DIPK1B: variants seen among roughly 807,000 people sequenced by gnomAD.
DIPK1B encodes the protein family with sequence similarity 69 member B.
Under a neutral mutation model 20.7 loss-of-function variants are expected in DIPK1B, and 17 were observed. The observed-to-expected ratio is 0.82, with a 90% confidence interval of 0.56 to 1.23. DIPK1B has a LOEUF of 1.23. DIPK1B is among the 50% of genes most tolerant of loss of function. DIPK1B has a pLI of 0.00. For synonymous variants in DIPK1B, 343 were observed against 276.5 expected, an observed-to-expected ratio of 1.24 and a Z score of -2.39; for missense variants, 648 against 601.8, an observed-to-expected ratio of 1.08 and a Z score of -0.80.
chr9:136,722,058 G>A, intron 3 of DIPK1B, 30 bp downstream of exon 3: 1 of 1,613,366 alleles, frequency 6.2e-7, no homozygotes, highest in South Asian at 1.1e-5. Flanking sequence ...GGGTGGGCCT[G>A]GGGCTGATAC....
intron 4 of DIPK1B, 167 bp downstream of exon 4, chr9:136,722,468 G>A: frequency 1.2e-6 from 1 of 860,688 alleles, no homozygotes. Context: ...TGCCAGGGAA[G>A]GAGCCTCTCC....
rs879348098 is a variant in DIPK1B, at chr9:136,720,476, C to A, written c.199-1445C>A. Among the ~76,000 whole-genome samples, 36 of 152,250 alleles carry A rather than the reference C, an allele frequency of 2.4e-4. No homozygotes were observed. In the South Asian group the frequency reaches 6.2e-3, roughly 26 times the overall value. ...GCTGTACATCCAGGAATTCTCCCCC[C>A]CCCAGAGGGGCGGGCCAGCTCCATC... On this transcript the variant is annotated intron_variant, in intron 2 of 4. Coordinates refer to ENST00000371692, the MANE Select transcript of DIPK1B (RefSeq NM_152421.4).
intron 4 of DIPK1B, 69 bp from the exon 5 acceptor site, chr9:136,722,893 T>G: frequency 6.8e-7 from 1 of 1,460,532 alleles, no homozygotes. Flanking sequence ...GAGGACCAGG[T>G]AAAGGCCAGG....
At chr9:136,714,165 C>T (rs1220974460) in intron 1 of DIPK1B, among the ~76,000 whole-genome samples, 1 of 152,192 alleles carries the variant, frequency 6.6e-6, no homozygotes, top group Non-Finnish European at 1.5e-5. Flanking sequence ...GGGATGGCAG[C>T]TGGGGAAGAT....
intron 1 of DIPK1B, among the ~76,000 whole-genome samples, chr9:136,715,997 C>T (rs771202319): frequency 2.6e-5 from 4 of 152,156 alleles, no homozygotes; most frequent in African/African-American, 9.7e-5. Context: ...CTCTACTCTC[C>T]TTCCTGTCTC....
chr9:136,723,753 C>T lies in DIPK1B; in HGVS notation c.1275C>T (p.Ile425=). Residue 425 remains isoleucine, a synonymous_variant, in exon 5 of 5, where the codon ATC becomes ATT. Coordinates refer to ENST00000371692, the MANE Select transcript of DIPK1B (RefSeq NM_152421.4). ...TCAAGACTCTGCTCTGGAAGAAGAT[C>T]TCCAACACCAAGTACTCTTGATGGG... is the stretch of plus-strand genomic sequence containing the variant. ...SHLKTLLWKK[I]SNTKYS is the part of the protein sequence containing the mutation. 6.5e-7 allele frequency: 1 copy of T among 1,534,728 alleles called. No individual in the cohort carries two copies. The highest frequency in any genetic ancestry group is 8.7e-7 in the Non-Finnish European group (1 of 1,146,884).
rs1438861299 is a variant in DIPK1B, at chr9:136,712,826, T to G, written c.63+98T>G. The G allele has an allele frequency of 1.0e-5, 9 of 858,010 alleles. No individual in the cohort carries two copies. Among genetic ancestry groups the G allele is most frequent in the Non-Finnish European group, 1.4e-5 (9 of 654,510 alleles). The allele number at this position is 858,010 out of a possible 1,614,324, so 53.1% of individuals were successfully genotyped here. ...CCGAGTACGGAGCGGGGCCCCGGGT[T>G]CGGACACGAAGGGTTCATGAGCCCG... On this transcript the variant is annotated intron_variant, in intron 1 of 4. Coordinates refer to ENST00000371692, the MANE Select transcript of DIPK1B (RefSeq NM_152421.4). This position sits in a 1 kb window ranked among gnomAD's most constrained non-coding sequence, Gnocchi z 5.6.
chr9:136,723,033 G>A lies in DIPK1B; in HGVS notation c.555G>A (p.Lys185=). The change falls in exon 5 of 5, where the codon AAG becomes AAA. Residue 185 remains lysine, a synonymous_variant. Coordinates refer to ENST00000371692, the MANE Select transcript of DIPK1B (RefSeq NM_152421.4). The stretch of plus-strand genomic sequence containing the variant: ...TCCTGCTCATGGCTGACTTCAACAA[G>A]GACAACCGGGTGTCCCTGGCGGAAG... ...GQVLLMADFN[K]DNRVSLAEAK... is the part of the protein sequence containing the mutation. The A allele has an allele frequency of 6.2e-7, 1 of 1,613,472 alleles. No homozygotes were observed.
At chr9:136,721,661 T>C in intron 2 of DIPK1B, 1 of 487,102 alleles carries the variant, frequency 2.1e-6, no homozygotes, top group African/African-American at 1.9e-5. Context: ...TGGCCTTTGC[T>C]GTGCCGTCCT....
chr9:136,723,120 GAAGGAGC>G lies in DIPK1B; in HGVS notation c.644_650del (p.Lys215ThrfsTer138). 1 of 1,613,550 alleles carries G rather than the reference GAAGGAGC, an allele frequency of 6.2e-7. No individual in the cohort carries two copies. The highest frequency in any genetic ancestry group is 8.5e-7 in the Non-Finnish European group (1 of 1,180,022). On this transcript the variant is annotated frameshift_variant, in exon 5 of 5. Coordinates refer to ENST00000371692, the MANE Select transcript of DIPK1B (RefSeq NM_152421.4). LOFTEE classifies it low-confidence loss of function (END_TRUNC). ...TCCTGCTGCTGCTGTCCCTGCAGGA[GAAGGAGC>G]ACGCCTCCAGACTGCTGGGCTACTG...
chr9:136,713,533 C>T (rs1564305155), intron 1 of DIPK1B, among the ~76,000 whole-genome samples: 1 of 152,246 alleles, frequency 6.6e-6, no homozygotes, highest in Non-Finnish European at 1.5e-5. Flanking sequence ...CCTGGCAACC[C>T]ACAGATTGCA....
chr9:136,720,122 G>A (rs1564309002), intron 2 of DIPK1B, among the ~76,000 whole-genome samples: 1 of 151,990 alleles, frequency 6.6e-6, no homozygotes, highest in South Asian at 2.1e-4. Flanking sequence ...GGTGCAGGGA[G>A]CTGGCTGGTC....
chr9:136,717,835 A>G (rs887248353), intron 2 of DIPK1B, 124 bp downstream of exon 2: 13 of 1,436,296 alleles, frequency 9.1e-6, no homozygotes, highest in Non-Finnish European at 1.0e-5. Flanking sequence ...GTGGGTTTCT[A>G]GGTGGAATCT....
rs1487640781 is a variant in DIPK1B, at chr9:136,723,362, T to A, written c.884T>A (p.Met295Lys). Residue 295 changes from methionine to lysine, a missense_variant, in exon 5 of 5, where the codon ATG becomes AAG. By Grantham distance (95) the Met-to-Lys change is moderately conservative (BLOSUM62 -1). Transcript: ENST00000371692. ...CACGGCTCTTACGGGACTTTCTACA[T>A]GTGTGAGACCACACTGGCCAACGTG... Reference protein sequence around the residue: ...LFHGSYGTFYMCETTLANVGY... With the variant: ...LFHGSYGTFYKCETTLANVGY... 4.3e-6 allele frequency: 7 copies of A among 1,613,342 alleles called. No individual in the cohort carries two copies. The highest frequency in any genetic ancestry group is 1.3e-5 in the African/African-American group (1 of 75,038).
Position 136,723,416 on chromosome 9 carries a change from T to G in DIPK1B, c.938T>G (p.Met313Arg), listed in dbSNP as rs747582262. Residue 313 changes from methionine (M) to arginine (R), a missense_variant, in exon 5 of 5, where the codon ATG (methionine) becomes AGG (arginine). Coordinates refer to ENST00000371692, the MANE Select transcript of DIPK1B (RefSeq NM_152421.4). ...TACACAGCCACCTACGACTTCAAGA[T>G]GGCCGACCTGCAGCAGGTGGCACCC... ...VGYTATYDFK[M>R]ADLQQVAPEA... The G allele has an allele frequency of 6.2e-7, 1 of 1,612,618 alleles. No individual in the cohort carries two copies. The highest frequency in any genetic ancestry group is 8.5e-7 in the Non-Finnish European group (1 of 1,179,540).
chr9:136,717,585 C>G lies in DIPK1B; in HGVS notation c.72C>G (p.Leu24=). 4 of 1,599,694 alleles carry G rather than the reference C, an allele frequency of 2.5e-6. No homozygotes were observed. Among genetic ancestry groups the G allele is most frequent in the Non-Finnish European group, 3.4e-6 (4 of 1,179,660 alleles). The change falls in exon 2 of 5, where the codon CTC becomes CTG. Residue 24 remains leucine (L), a synonymous_variant. Coordinates refer to ENST00000371692, the MANE Select transcript of DIPK1B (RefSeq NM_152421.4). The part of the protein sequence containing the change: ...CPFSKRLQGR[L]PGLRVRCIFL... ...AGCCCCTTCCCCCACAGGGCCGGCTCCCAGGCCTCAGGGTCCGCTGCATCT... is the reference window on the plus strand; with the variant it reads ...AGCCCCTTCCCCCACAGGGCCGGCTGCCAGGCCTCAGGGTCCGCTGCATCT...
At chr9:136,721,400 G>C (rs890025304) in intron 2 of DIPK1B, 1 of 155,884 alleles carries the variant, frequency 6.4e-6, no homozygotes, top group African/African-American at 2.4e-5. Context: ...GGGCAGGGAG[G>C]GCGCCATGAG....
Position 136,717,686 on chromosome 9 carries a change from G to T in DIPK1B, c.173G>T (p.Arg58Leu). The change falls in exon 2 of 5, where the codon CGC (arginine) becomes CTC (leucine). Residue 58 changes from arginine (R) to leucine (L), a missense_variant. By Grantham distance (102) the Arg-to-Leu change is moderately radical. Transcript: ENST00000371692. ...VHYSSYSERC[R>L]GHVCQVVICD... ...TACTCGTCCTACTCGGAGCGCTGTCGCGGCCATGTCTGCCAGGTGGTCATT... is the reference window on the plus strand; with the variant it reads ...TACTCGTCCTACTCGGAGCGCTGTCTCGGCCATGTCTGCCAGGTGGTCATT... The T allele has an allele frequency of 6.2e-7, 1 of 1,610,884 alleles. No individual in the cohort carries two copies. The highest frequency in any genetic ancestry group is 1.1e-5 in the South Asian group (1 of 91,086).
At position 136,723,577 on chromosome 9, in the gene DIPK1B, G is replaced by A. The variant is rs756754076; in HGVS notation, c.1099G>A (p.Ala367Thr). Residue 367 changes from alanine (A) to threonine (T), a missense_variant, in exon 5 of 5, where the codon GCC becomes ACC. By Grantham distance (58) the Ala-to-Thr change is moderately conservative. Coordinates refer to ENST00000371692, the MANE Select transcript of DIPK1B (RefSeq NM_152421.4). Reference protein sequence around the residue: ...CKGDLIQPNLAKVCALLRGYL... With the variant: ...CKGDLIQPNLTKVCALLRGYL... ...GGGCGACCTCATCCAGCCCAACCTGGCCAAGGTGTGCGCACTGCTACGGGG... is the reference window on the plus strand; with the variant it reads ...GGGCGACCTCATCCAGCCCAACCTGACCAAGGTGTGCGCACTGCTACGGGG... 2.2e-5 allele frequency: 35 copies of A among 1,596,668 alleles called. No individual in the cohort carries two copies. Among genetic ancestry groups the A allele is most frequent in the Non-Finnish European group, 2.9e-5 (34 of 1,172,268 alleles).
Sources: gnomAD v4.1 joint callset for allele counts (sites outside exome capture counted in the v4.1 genomes callset) on GRCh38, gnomAD v4.1.1 for gene constraint, Gnocchi (gnomAD v3.1) non-coding constraint, MANE v1.5 for transcripts, NCBI Gene and HGNC (gene_info 2026-07-23, HGNC 2026-07-21) for gene names.